WDR25: variants seen among roughly 807,000 people sequenced by gnomAD.
WDR25 encodes the protein WD repeat-containing protein 25.
A neutral mutation model predicts 47.7 loss-of-function variants in WDR25; 35 were observed. The observed-to-expected ratio is 0.73, with a 90% confidence interval of 0.56 to 0.97. The LOEUF is 0.97. Ranked by LOEUF, WDR25 falls within the 50% of genes least tolerant of loss-of-function variation. WDR25 has a pLI of 0.00. For missense variants in WDR25, 634 were observed against 704.7 expected, an observed-to-expected ratio of 0.90 and a Z score of 1.14; for synonymous variants, 248 against 278.9, an observed-to-expected ratio of 0.89 and a Z score of 1.10.
chr14:100,528,943 C>G, intron 5 of WDR25, 125 bp from the exon 6 acceptor site: 1 of 1,149,392 alleles, frequency 8.7e-7, no homozygotes, highest in Non-Finnish European at 1.2e-6. Context: ...GGTGATTTGT[C>G]ACAGCAGTGA....
intron 2 of WDR25, among the ~76,000 whole-genome samples, chr14:100,410,377 G>C (rs1397819046): frequency 6.6e-6 from 1 of 152,200 alleles, no homozygotes; most frequent in Non-Finnish European, 1.5e-5. Context: ...GACCCTGTGG[G>C]CTCAGGGGGT....
chr14:100,389,951 G>C (rs1328704107), intron 2 of WDR25, among the ~76,000 whole-genome samples: 1 of 152,176 alleles, frequency 6.6e-6, no homozygotes, highest in African/African-American at 2.4e-5. Context: ...TGGGCATCCT[G>C]GATGTCCCTG....
intron 2 of WDR25, among the ~76,000 whole-genome samples, chr14:100,427,273 C>G (rs1898196049): frequency 6.6e-6 from 1 of 152,122 alleles, no homozygotes; most frequent in Non-Finnish European, 1.5e-5. Context: ...CGAAGCCCTC[C>G]ATGCCCCCCA....
rs2140401598 is a variant in WDR25, at chr14:100,529,699, A to G, written c.1414-121A>G. On this transcript the variant is annotated intron_variant, in intron 6 of 6. Coordinates refer to ENST00000402312, the MANE Select transcript of WDR25 (RefSeq NM_001161476.3). This position sits in a 1 kb window ranked among gnomAD's most constrained non-coding sequence, Gnocchi z 5.1. ...CCTGGGCTTTGGCCTCAGGGACACG[A>G]GGTGCGAAGCCCAGCTCTGCTCCGT... 3 of 1,135,380 alleles carry G rather than the reference A, an allele frequency of 2.6e-6. No individual in the cohort carries two copies. Among genetic ancestry groups the G allele is most frequent in the Non-Finnish European group, 1.2e-6 (1 of 809,178 alleles). 70.3% of individuals were successfully genotyped at this position (1,135,380 alleles called of 1,614,324 possible).
chr14:100,484,484 G>T (rs892207778), intron 4 of WDR25, among the ~76,000 whole-genome samples: 1 of 151,442 alleles, frequency 6.6e-6, no homozygotes, highest in Non-Finnish European at 1.5e-5. Context: ...GTGTGTGTGT[G>T]CGTGTGTGTG....
At chr14:100,487,730 A>G (rs1292225932) in intron 4 of WDR25, 1 of 152,224 alleles carries the variant, frequency 6.6e-6, no homozygotes, top group Admixed American at 6.5e-5. Flanking sequence ...CTCTTGTTAC[A>G]ATCTCCAAAC....
chr14:100,408,993 T>C (rs1247694846), intron 2 of WDR25, among the ~76,000 whole-genome samples: 1 of 152,238 alleles, frequency 6.6e-6, no homozygotes, highest in Non-Finnish European at 1.5e-5. Flanking sequence ...ACTTATTTTA[T>C]TTGAGGTGCT....
At position 100,428,908 on chromosome 14, in the gene WDR25, A is replaced by G. The variant is rs1898247475; in HGVS notation, c.823-39113A>G. On this transcript the variant is annotated intron_variant, in intron 2 of 6. Transcript: ENST00000402312. The surrounding 1 kb of genome is among the most constrained non-coding windows in gnomAD (Gnocchi z 4.3). Reference sequence around the variant, plus strand: ...GCTCCTCTTGCGTCTTTGGCACCAGAGGCGTCATCCCCCGAGCCACTCTGA... The same window carrying G: ...GCTCCTCTTGCGTCTTTGGCACCAGGGGCGTCATCCCCCGAGCCACTCTGA... 6.6e-6 allele frequency among the ~76,000 whole-genome samples: 1 copy of G among 152,046 alleles called. No homozygotes were observed. The highest frequency in any genetic ancestry group is 2.4e-5 in the African/African-American group (1 of 41,394).
At chr14:100,422,197 G>T (rs927056536) in intron 2 of WDR25, among the ~76,000 whole-genome samples, 5 of 152,166 alleles carry the variant, frequency 3.3e-5, no homozygotes, top group African/African-American at 1.2e-4. Context: ...AGCATCTGCA[G>T]GTCTGTTCGC....
chr14:100,400,905 G>A (rs952928759), intron 2 of WDR25, among the ~76,000 whole-genome samples: 3 of 152,186 alleles, frequency 2.0e-5, no homozygotes, highest in African/African-American at 7.2e-5. Flanking sequence ...TAATCTAGGA[G>A]TGTTTTTGTT....
At chr14:100,504,666 T>C (rs139925849) in intron 4 of WDR25, 2 of 152,386 alleles carry the variant, frequency 1.3e-5, no homozygotes, top group African/African-American at 4.8e-5. Flanking sequence ...TTGGCTGTTA[T>C]GAGTAAAGCT....
intron 4 of WDR25, among the ~76,000 whole-genome samples, chr14:100,490,358 T>G (rs1251601081): frequency 1.3e-5 from 2 of 152,252 alleles, no homozygotes; most frequent in African/African-American, 4.8e-5. Context: ...GACCAGTTCT[T>G]AAAATCACAA....
Position 100,525,130 on chromosome 14 carries a change from A to G in WDR25, c.1102-740A>G, listed in dbSNP as rs1356329375. ...TGGGTGCCCAGCATGTTATTTCCAT[A>G]TTGTCATTAAAGTCCTGTCCTCTGT... On this transcript the variant is annotated intron_variant, in intron 4 of 6. Transcript: ENST00000402312. This position sits in a 1 kb window ranked among gnomAD's most constrained non-coding sequence, Gnocchi z 4.6. Among the ~76,000 whole-genome samples the G allele has an allele frequency of 6.6e-6, 1 of 151,972 alleles. No individual in the cohort carries two copies. Among genetic ancestry groups the G allele is most frequent in the Admixed American group, 6.5e-5 (1 of 15,268 alleles).
chr14:100,417,620 G>A (rs1337808500), intron 2 of WDR25, among the ~76,000 whole-genome samples: 2 of 152,174 alleles, frequency 1.3e-5, no homozygotes, highest in Non-Finnish European at 2.9e-5. Context: ...CTCTGCTTGC[G>A]GATGGGGGTG....
intron 2 of WDR25, among the ~76,000 whole-genome samples, chr14:100,447,878 A>G (rs1322806097): frequency 6.6e-6 from 1 of 152,160 alleles, no homozygotes; most frequent in African/African-American, 2.4e-5. Context: ...TTTTCTTTGG[A>G]AAGTGATGAG....
At chr14:100,507,983 C>A (rs975284477) in intron 4 of WDR25, among the ~76,000 whole-genome samples, 1 of 152,006 alleles carries the variant, frequency 6.6e-6, no homozygotes, top group African/African-American at 2.4e-5. Context: ...AAGAAAACTA[C>A]AAGCCAATAT....
chr14:100,490,667 T>C (rs1900532719), intron 4 of WDR25, among the ~76,000 whole-genome samples: 1 of 152,134 alleles, frequency 6.6e-6, no homozygotes, highest in South Asian at 2.1e-4. Context: ...ATGGTATGGG[T>C]GCCTAGTGAA....
intron 2 of WDR25, among the ~76,000 whole-genome samples, chr14:100,412,939 C>T (rs900641233): frequency 2.6e-5 from 4 of 152,154 alleles, no homozygotes; most frequent in Non-Finnish European, 5.9e-5. Flanking sequence ...AAGTGAATCT[C>T]CTGCCTCAGC....
Position 100,449,542 on chromosome 14 carries a change from C to A in WDR25, c.823-18479C>A, listed in dbSNP as rs1209458983. The stretch of plus-strand genomic sequence containing the variant: ...AAAAGCTGAGGTCAGGAGGCCTGTG[C>A]CCTGGGACATGGCTATGTATGACAG... On this transcript the variant is annotated intron_variant, in intron 2 of 6. Transcript: ENST00000402312. The surrounding 1 kb of genome is among the most constrained non-coding windows in gnomAD (Gnocchi z 4.2). Among the ~76,000 whole-genome samples, 2 of 152,226 alleles carry A rather than the reference C, an allele frequency of 1.3e-5. No individual in the cohort carries two copies. The highest frequency in any genetic ancestry group is 4.8e-5 in the African/African-American group (2 of 41,452).
Sources: gnomAD v4.1 joint callset for allele counts (sites outside exome capture counted in the v4.1 genomes callset) on GRCh38, gnomAD v4.1.1 for gene constraint, Gnocchi (gnomAD v3.1) non-coding constraint, MANE v1.5 for transcripts, NCBI Gene and HGNC (gene_info 2026-07-23, HGNC 2026-07-21) for gene names.